LRP1B: variants seen among roughly 807,000 people sequenced by gnomAD.
LRP1B encodes LDL receptor related protein 1B, also known as low-density lipoprotein receptor-related protein 1B.
A neutral mutation model predicts 556.6 loss-of-function variants in LRP1B; 217 were observed. The ratio of observed to expected loss-of-function variants is 0.39; its 90% CI spans 0.35 to 0.44. The LOEUF is 0.44. Among genes scored for constraint, LRP1B ranks in the 20% least tolerant of loss-of-function variants. The pLI is 1.00. For synonymous variants in LRP1B, 2,047 were observed against 1,865.8 expected, an observed-to-expected ratio of 1.10 and a Z score of -2.50; for missense variants, 5,053 against 5,620.8, an observed-to-expected ratio of 0.90 and a Z score of 3.23.
intron 2 of LRP1B, among the ~76,000 whole-genome samples, chr2:141,750,413 C>T (rs978732316): frequency 2.0e-5 from 3 of 152,078 alleles, no homozygotes; most frequent in Non-Finnish European, 4.4e-5. Flanking sequence ...TATTAATTCC[C>T]AGTCCAATTT....
intron 66 of LRP1B, among the ~76,000 whole-genome samples, chr2:140,402,124 C>T (rs540765123): frequency 2.2e-4 from 34 of 152,264 alleles, no homozygotes; most frequent in African/African-American, 7.9e-4. Context: ...CAATAGCAAT[C>T]GCTGTAGCCT....
intron 3 of LRP1B, among the ~76,000 whole-genome samples, chr2:141,406,613 ATG>A (rs1056417678): frequency 2.6e-5 from 4 of 151,526 alleles, no homozygotes; most frequent in African/African-American, 9.7e-5. Flanking sequence ...TACATATTAT[ATG>A]TGTTTATTTA....
intron 14 of LRP1B, among the ~76,000 whole-genome samples, chr2:141,009,794 C>CA (rs1558798059): frequency 6.6e-6 from 1 of 151,516 alleles, no homozygotes; most frequent in Non-Finnish European, 1.5e-5. Flanking sequence ...TTACAATGAC[C>CA]AAAAAAGATT....
At chr2:141,066,588 T>C (rs1272379477) in intron 7 of LRP1B, among the ~76,000 whole-genome samples, 2 of 151,960 alleles carry the variant, frequency 1.3e-5, no homozygotes, top group Admixed American at 6.6e-5. Flanking sequence ...AAATAATGCT[T>C]CTGTACTTTA....
chr2:141,815,821 C>A (rs934478229), intron 1 of LRP1B, among the ~76,000 whole-genome samples: 9 of 152,174 alleles, frequency 5.9e-5, no homozygotes, highest in African/African-American at 2.2e-4. Flanking sequence ...TCCATGCCAT[C>A]TTTAAGAGCT....
rs368839747 is a variant in LRP1B at position 141,739,680 on chromosome 2, G to T, written c.205+70599C>A. 1.1e-4 allele frequency among the ~76,000 whole-genome samples: 16 copies of T among 143,146 alleles called. No homozygotes were observed. The South Asian group carries it at 1.7e-3, about 16-fold the overall frequency. The allele number at this position is 143,146 out of a possible 152,430, so 93.9% of individuals were successfully genotyped here. ...CATAATTAGATATTATCTACTGGTT[G>T]TTTTTTTTTTTTTGCCACCATTAAT... On this transcript the variant is annotated intron_variant, in intron 2 of 90. Transcript: ENST00000389484.
At chr2:141,633,995 AT>A (rs1221242577) in intron 2 of LRP1B, among the ~76,000 whole-genome samples, 2 of 151,908 alleles carry the variant, frequency 1.3e-5, no homozygotes, top group African/African-American at 2.4e-5. Context: ...TTTGGCTAAA[AT>A]CACTATACGT....
intron 2 of LRP1B, among the ~76,000 whole-genome samples, chr2:141,626,089 A>G (rs960213253): frequency 1.3e-5 from 2 of 152,154 alleles, no homozygotes; most frequent in Non-Finnish European, 2.9e-5. Flanking sequence ...ACACTGCTTT[A>G]CAAAACTCAC....
chr2:140,731,813 A>T (rs1264859050), intron 35 of LRP1B, among the ~76,000 whole-genome samples: 4 of 149,236 alleles, frequency 2.7e-5, no homozygotes, highest in African/African-American at 9.8e-5. Flanking sequence ...ATAGGCATTT[A>T]TTAAACTATG....
chr2:141,852,748 T>C, intron 1 of LRP1B, among the ~76,000 whole-genome samples: 1 of 151,494 alleles, frequency 6.6e-6, no homozygotes, highest in East Asian at 1.9e-4. Flanking sequence ...GAAGTAAAAA[T>C]TAAATAAAGC....
At chr2:140,285,101 CTATATA>C (rs942881642) in intron 84 of LRP1B, among the ~76,000 whole-genome samples, 1 of 148,562 alleles carries the variant, frequency 6.7e-6, no homozygotes, top group Non-Finnish European at 1.5e-5. Flanking sequence ...ATCTCTCTCT[CTATATA>C]TATATGTGTG....
At chr2:140,539,447 T>A (rs940753850) in intron 45 of LRP1B, among the ~76,000 whole-genome samples, 1 of 152,114 alleles carries the variant, frequency 6.6e-6, no homozygotes, top group Non-Finnish European at 1.5e-5. Context: ...CCAATATCAC[T>A]CTACAGTTCC....
At chr2:141,217,484 G>A (rs955527618) in intron 6 of LRP1B, among the ~76,000 whole-genome samples, 1 of 152,082 alleles carries the variant, frequency 6.6e-6, no homozygotes, top group South Asian at 2.1e-4. Context: ...GAAGACAGAG[G>A]TGAACTATCA....
At chr2:141,838,660 T>C (rs1019416474) in intron 1 of LRP1B, among the ~76,000 whole-genome samples, 19 of 152,296 alleles carry the variant, frequency 1.2e-4, no homozygotes, top group African/African-American at 3.6e-4. Flanking sequence ...TAATTAAGCA[T>C]TGATATACAA....
At chr2:141,643,180 C>G (rs1227300978) in intron 2 of LRP1B, among the ~76,000 whole-genome samples, 2 of 152,092 alleles carry the variant, frequency 1.3e-5, no homozygotes, top group Non-Finnish European at 2.9e-5. Context: ...AATTGCAGCA[C>G]CACTAATCTG....
intron 5 of LRP1B, among the ~76,000 whole-genome samples, chr2:141,238,637 T>G (rs986247028): frequency 6.6e-6 from 1 of 152,140 alleles, no homozygotes; most frequent in Admixed American, 6.6e-5. Context: ...ATATGAATAT[T>G]GTTTGGCAGT....
intron 2 of LRP1B, among the ~76,000 whole-genome samples, chr2:141,744,716 G>A (rs1693849358): frequency 6.6e-6 from 1 of 152,156 alleles, no homozygotes; most frequent in African/African-American, 2.4e-5. Context: ...TTCGTTTGGT[G>A]AGGTCATGTT....
intron 43 of LRP1B, among the ~76,000 whole-genome samples, chr2:140,595,294 A>G (rs1682398158): frequency 6.6e-6 from 1 of 151,660 alleles, no homozygotes; most frequent in African/African-American, 2.4e-5. Flanking sequence ...CATGTGTTAG[A>G]TTATCTGCTC....
intron 2 of LRP1B, among the ~76,000 whole-genome samples, chr2:141,710,552 A>G (rs1031004850): frequency 2.6e-5 from 4 of 152,142 alleles, no homozygotes; most frequent in African/African-American, 9.7e-5. Flanking sequence ...CTGTTGCTCT[A>G]TCTATAGGGG....
Sources: allele counts gnomAD v4.1 joint callset (sites outside exome capture counted in the v4.1 genomes callset), GRCh38; gene constraint gnomAD v4.1.1; transcripts MANE v1.5; gene names NCBI Gene and HGNC (gene_info 2026-07-23, HGNC 2026-07-21).